NLGN4Y: variants seen among roughly 807,000 people sequenced by gnomAD.
The protein encoded by NLGN4Y is neuroligin-4, Y-linked.
In NLGN4Y, 4 loss-of-function variants were observed where a neutral mutation model predicts 8.4. The ratio of observed to expected loss-of-function variants is 0.48; its 90% CI spans 0.23 to 1.09. The LOEUF (loss-of-function observed/expected upper bound fraction) is 1.09, where lower values mean the gene tolerates loss of function less well. NLGN4Y is among the 50% of genes least tolerant of loss of function. The probability of loss-of-function intolerance (pLI) is 0.19; values close to 1 mark genes in which losing one functional copy is unlikely to be tolerated. For missense variants in NLGN4Y, 90 were observed against 192.3 expected (o/e 0.47, Z 3.15); for synonymous variants, 35 against 75.6 (o/e 0.46, Z 2.78).
intron 4 of NLGN4Y, among the ~76,000 whole-genome samples, chrY:14,752,542 T>C: frequency 3.0e-5 from 1 of 33,773 alleles, no homozygotes; most frequent in African/African-American, 1.2e-4. Flanking sequence ...CATTTATGTA[T>C]TTTAGATTTT....
chrY:14,548,837 C>A, intron 1 of NLGN4Y, among the ~76,000 whole-genome samples: 2 of 33,680 alleles, frequency 5.9e-5, no homozygotes, highest in African/African-American at 2.3e-4. Flanking sequence ...TTCTGACTGT[C>A]TGTTCCTCCT....
At chrY:14,589,789 C>T in intron 1 of NLGN4Y, among the ~76,000 whole-genome samples, 1 of 34,546 alleles carries the variant, frequency 2.9e-5, no homozygotes, top group Non-Finnish European at 7.3e-5. Flanking sequence ...GCTCACATTC[C>T]TCAGCCCTTG....
At chrY:14,750,978 G>T in intron 4 of NLGN4Y, among the ~76,000 whole-genome samples, 4 of 32,909 alleles carry the variant, frequency 1.2e-4, no homozygotes, top group African/African-American at 4.8e-4. Context: ...AAAAAGAAAG[G>T]CATCCCTGCA....
At chrY:14,575,086 G>T (rs2080291863) in intron 1 of NLGN4Y, among the ~76,000 whole-genome samples, 1 of 32,500 alleles carries the variant, frequency 3.1e-5, no homozygotes, top group Non-Finnish European at 7.5e-5. Context: ...CTCTTCTTGG[G>T]GAGTATCTTT....
At chrY:14,780,255 C>T (rs777971089) in intron 4 of NLGN4Y, among the ~76,000 whole-genome samples, 59 of 33,240 alleles carry the variant, frequency 1.8e-3, no homozygotes, top group Non-Finnish European at 2.8e-3. Flanking sequence ...ATCTCCACTG[C>T]CTCTATTTTT....
intron 4 of NLGN4Y, among the ~76,000 whole-genome samples, chrY:14,735,604 G>A (rs2080989273): frequency 3.0e-5 from 1 of 33,272 alleles, no homozygotes; most frequent in South Asian, 6.8e-4. Context: ...AATTAGTTCT[G>A]AGAGTGGGGT....
intron 4 of NLGN4Y, among the ~76,000 whole-genome samples, chrY:14,758,943 T>A (rs1045169163): frequency 2.9e-5 from 1 of 34,090 alleles, no homozygotes; most frequent in Admixed American, 2.7e-4. Context: ...TACAACCCAC[T>A]TTCAATTAGA....
chrY:14,578,237 C>CCAT (rs1445589457), intron 1 of NLGN4Y, among the ~76,000 whole-genome samples: 28 of 31,081 alleles, frequency 9.0e-4, no homozygotes, highest in Admixed American at 1.2e-3. Context: ...ATAATAATTG[C>CCAT]CATCATCATC....
intron 1 of NLGN4Y, among the ~76,000 whole-genome samples, chrY:14,615,847 C>A (rs2080486715): frequency 3.0e-5 from 1 of 33,342 alleles, no homozygotes; most frequent in African/African-American, 1.2e-4. Context: ...TTCAGTTTGC[C>A]AGTATTTTAC....
At chrY:14,532,165 G>A in intron 1 of NLGN4Y, among the ~76,000 whole-genome samples, 1 of 32,250 alleles carries the variant, frequency 3.1e-5, no homozygotes, top group Non-Finnish European at 7.6e-5. Context: ...CTCTCCCACC[G>A]AGATGGATAG....
intron 1 of NLGN4Y, among the ~76,000 whole-genome samples, chrY:14,613,395 G>T: frequency 3.0e-5 from 1 of 33,639 alleles, no homozygotes; most frequent in Non-Finnish European, 7.4e-5. Context: ...CTAGCTCAGT[G>T]TCTGCCCAAA....
chrY:14,579,473 C>G (rs2080308848), intron 1 of NLGN4Y, among the ~76,000 whole-genome samples: 2 of 32,476 alleles, frequency 6.2e-5, no homozygotes, highest in African/African-American at 2.4e-4. Context: ...TTTGGGCGGC[C>G]AAGACAGGCA....
upstream of NLGN4Y, chrY:14,523,474 T>C (rs1011360894): frequency 3.5e-5 from 4 of 115,749 alleles, no homozygotes; most frequent in Non-Finnish European, 7.6e-5. Context: ...CACACACACA[T>C]ATATATATGT....
intron 1 of NLGN4Y, among the ~76,000 whole-genome samples, chrY:14,608,778 G>A: frequency 9.3e-5 from 3 of 32,155 alleles, no homozygotes; most frequent in African/African-American, 1.2e-4. Context: ...TGAGAATAGC[G>A]TTGAATTTAA....
intron 4 of NLGN4Y, among the ~76,000 whole-genome samples, chrY:14,772,307 T>C: frequency 3.0e-5 from 1 of 33,359 alleles, no homozygotes; most frequent in Non-Finnish European, 7.4e-5. Context: ...AACTAAAACA[T>C]CTACAAGAAA....
intron 6 of NLGN4Y, among the ~76,000 whole-genome samples, chrY:14,831,413 C>T: frequency 3.2e-5 from 1 of 31,038 alleles, no homozygotes; most frequent in African/African-American, 1.3e-4. Flanking sequence ...ATTGCCTGAC[C>T]ATATGAATAC....
intron 4 of NLGN4Y, among the ~76,000 whole-genome samples, chrY:14,756,864 T>TAC (rs2081060505): frequency 1.5e-3 from 4 of 2,668 alleles, no homozygotes; most frequent in African/African-American, 2.4e-3. Context: ...ACATATTTTA[T>TAC]ACATATATAT....
At chrY:14,673,216 G>C in intron 2 of NLGN4Y, among the ~76,000 whole-genome samples, 1 of 27,287 alleles carries the variant, frequency 3.7e-5, no homozygotes, top group Non-Finnish European at 8.5e-5. Flanking sequence ...CACAGCAAAA[G>C]AAACTACCAT....
chrY:14,567,219 ATTTTTTTTTT>A (rs751311222), intron 1 of NLGN4Y, among the ~76,000 whole-genome samples: 1 of 13,198 alleles, frequency 7.6e-5, no homozygotes, highest in East Asian at 2.1e-3. Context: ...TTTGCTTTGA[ATTTTTTTTTT>A]TTTTTTTTTT....
Sources: allele counts gnomAD v4.1 joint callset (sites outside exome capture counted in the v4.1 genomes callset), GRCh38; gene constraint gnomAD v4.1.1; transcripts MANE v1.5; gene names NCBI Gene and HGNC (gene_info 2026-07-23, HGNC 2026-07-21).